Variants in MTUS2 observed in about 807,000 individuals in gnomAD.
MTUS2 encodes microtubule associated scaffold protein 2.
In MTUS2, 40 loss-of-function variants were observed where a neutral mutation model predicts 114.1. That is an observed-to-expected ratio of 0.35 (90% CI 0.27 to 0.46). MTUS2 has a LOEUF of 0.46. Ranked by LOEUF, MTUS2 falls within the 20% of genes least tolerant of loss-of-function variation. The pLI is 1.00. For synonymous variants in MTUS2, 688 were observed against 672.0 expected (o/e 1.02, Z -0.37); for missense variants, 1,679 against 1,705.4 (o/e 0.98, Z 0.27).
In MTUS2 at chr13:29,427,651, C is replaced by G. The variant is rs147395758; in HGVS notation, c.3118-12332C>G. ...TTCCTATGTGATCACTAAATACTTG[C>G]CTTTCTCTGAGCCTATACTACTTAA... On this transcript the variant is annotated intron_variant, in intron 8 of 15. Coordinates refer to ENST00000612955, the MANE Select transcript of MTUS2 (RefSeq NM_001033602.4). Among the ~76,000 whole-genome samples the G allele has an allele frequency of 1.2e-4, 19 of 152,268 alleles. No homozygotes were observed. The East Asian group carries it at 3.5e-3, about 28-fold the overall frequency.
intron 2 of MTUS2, among the ~76,000 whole-genome samples, chr13:28,971,915 A>G (rs1032338388): frequency 6.6e-6 from 1 of 152,196 alleles, no homozygotes; most frequent in Non-Finnish European, 1.5e-5. Flanking sequence ...TAACCGATGC[A>G]ATTCATGTGC....
intron 2 of MTUS2, among the ~76,000 whole-genome samples, chr13:28,939,644 T>C (rs1882113629): frequency 6.6e-6 from 1 of 152,172 alleles, no homozygotes; most frequent in Admixed American, 6.5e-5. Context: ...TTTTTCCAAA[T>C]AAAATTTTAA....
At chr13:29,172,189 A>G (rs142397707) in intron 5 of MTUS2, among the ~76,000 whole-genome samples, 2 of 152,322 alleles carry the variant, frequency 1.3e-5, no homozygotes, top group East Asian at 1.9e-4. Flanking sequence ...CTGACTCCCC[A>G]TGTGACATTG....
At chr13:29,397,385 A>G (rs1433205010) in intron 8 of MTUS2, among the ~76,000 whole-genome samples, 3 of 151,728 alleles carry the variant, frequency 2.0e-5, no homozygotes, top group Non-Finnish European at 4.4e-5. Context: ...TGGCGCCTCT[A>G]TTTTCTTCTA....
intron 5 of MTUS2, among the ~76,000 whole-genome samples, chr13:29,260,414 A>G (rs1897427175): frequency 6.6e-6 from 1 of 152,212 alleles, no homozygotes; most frequent in South Asian, 2.1e-4. Context: ...AGGCACTACT[A>G]CTGAACAGTC....
At chr13:29,232,708 G>C (rs557079995) in intron 5 of MTUS2, among the ~76,000 whole-genome samples, 2 of 152,224 alleles carry the variant, frequency 1.3e-5, no homozygotes, top group African/African-American at 4.8e-5. Context: ...GTGGAGAGAA[G>C]GGGGAGTTAG....
At chr13:29,403,948 T>C (rs548003483) in intron 8 of MTUS2, among the ~76,000 whole-genome samples, 2 of 152,180 alleles carry the variant, frequency 1.3e-5, no homozygotes, top group African/African-American at 4.8e-5. Context: ...GGACATTCCA[T>C]CTAAACTCTT....
chr13:29,058,806 A>G (rs1308482292), intron 4 of MTUS2, among the ~76,000 whole-genome samples: 2 of 149,934 alleles, frequency 1.3e-5, no homozygotes, highest in South Asian at 2.1e-4. Flanking sequence ...GAGTGAGAAC[A>G]TGCGGTGTTT....
chr13:29,185,492 A>G (rs1250355961), intron 5 of MTUS2, among the ~76,000 whole-genome samples: 1 of 152,214 alleles, frequency 6.6e-6, no homozygotes, highest in Non-Finnish European at 1.5e-5. Context: ...TCATAATTAA[A>G]CCATGAAGAT....
intron 8 of MTUS2, among the ~76,000 whole-genome samples, chr13:29,415,053 GAGT>G (rs1289351347): frequency 6.6e-6 from 1 of 150,652 alleles, no homozygotes; most frequent in Non-Finnish European, 1.5e-5. Flanking sequence ...TTTCACTCAA[GAGT>G]TGTTTAATAG....
intron 2 of MTUS2, among the ~76,000 whole-genome samples, chr13:28,916,947 C>T (rs1379448186): frequency 1.3e-5 from 2 of 151,512 alleles, no homozygotes; most frequent in Non-Finnish European, 3.0e-5. Flanking sequence ...CTCTTTTTAT[C>T]CTCAGTCTTT....
chr13:29,329,860 C>T (rs535716045), intron 7 of MTUS2, among the ~76,000 whole-genome samples: 11 of 152,198 alleles, frequency 7.2e-5, no homozygotes, highest in Admixed American at 7.2e-4. Flanking sequence ...GTGATCCACC[C>T]ATCTCAGCCT....
At chr13:29,427,133 C>G (rs866735308) in intron 8 of MTUS2, among the ~76,000 whole-genome samples, 1 of 152,162 alleles carries the variant, frequency 6.6e-6, no homozygotes, top group African/African-American at 2.4e-5. Flanking sequence ...TTCCCTGGCA[C>G]ACTTTGTTTT....
chr13:28,921,375 A>G (rs766250675), intron 2 of MTUS2, among the ~76,000 whole-genome samples: 7 of 152,154 alleles, frequency 4.6e-5, no homozygotes, highest in Admixed American at 2.0e-4. Context: ...GCCCTATCCT[A>G]CTGTGGCTGA....
intron 2 of MTUS2, among the ~76,000 whole-genome samples, chr13:28,889,781 G>A (rs1489233300): frequency 6.6e-6 from 1 of 152,120 alleles, no homozygotes; most frequent in Non-Finnish European, 1.5e-5. Context: ...CCTAAGAGTA[G>A]CAATTAGAGA....
chr13:29,481,021 C>T (rs1402110426), intron 10 of MTUS2, among the ~76,000 whole-genome samples: 1 of 152,162 alleles, frequency 6.6e-6, no homozygotes, highest in Non-Finnish European at 1.5e-5. Flanking sequence ...CATGGAAAAG[C>T]CAGGGTTCAG....
intron 8 of MTUS2, among the ~76,000 whole-genome samples, chr13:29,364,628 T>C (rs1319744860): frequency 6.6e-6 from 1 of 152,214 alleles, no homozygotes; most frequent in African/African-American, 2.4e-5. Context: ...GCTAGCTTTA[T>C]CTGTTTAATG....
At chr13:29,023,290 G>C (rs1200031077) in intron 2 of MTUS2, among the ~76,000 whole-genome samples, 3 of 152,214 alleles carry the variant, frequency 2.0e-5, no homozygotes, top group Non-Finnish European at 4.4e-5. Context: ...AAGGTGTTCA[G>C]GGCCTGATCA....
intron 5 of MTUS2, among the ~76,000 whole-genome samples, chr13:29,220,751 G>C (rs1300368005): frequency 6.6e-6 from 1 of 152,162 alleles, no homozygotes; most frequent in Non-Finnish European, 1.5e-5. Context: ...TTGAAAGATT[G>C]TGAAAATTAC....
Sources: allele counts gnomAD v4.1 joint callset (sites outside exome capture counted in the v4.1 genomes callset), GRCh38; gene constraint gnomAD v4.1.1; transcripts MANE v1.5; gene names NCBI Gene and HGNC (gene_info 2026-07-23, HGNC 2026-07-21).